Variants in CNTN5 observed in about 807,000 individuals in gnomAD.
CNTN5 encodes the protein contactin-5.
CNTN5 carries 77 observed loss-of-function variants against 129.1 expected under a neutral mutation model. That is an observed-to-expected ratio of 0.60 (90% CI 0.50 to 0.72). The LOEUF is 0.72. Ranked by LOEUF, CNTN5 falls within the 30% of genes least tolerant of loss-of-function variation. CNTN5 has a pLI of 0.00. For synonymous variants in CNTN5, 509 were observed against 465.6 expected, an observed-to-expected ratio of 1.09 and a Z score of -1.20; for missense variants, 1,478 against 1,328.8, an observed-to-expected ratio of 1.11 and a Z score of -1.75.
chr11:99,637,675 A>C (rs558889412), intron 3 of CNTN5, among the ~76,000 whole-genome samples: 61 of 152,112 alleles, frequency 4.0e-4, no homozygotes, highest in Non-Finnish European at 6.6e-4. Context: ...ACATAATGTC[A>C]AAAATAGAAA....
intron 16 of CNTN5, among the ~76,000 whole-genome samples, chr11:100,249,399 T>G (rs1215682977): frequency 6.6e-6 from 1 of 152,118 alleles, no homozygotes; most frequent in South Asian, 2.1e-4. Context: ...GGCTTTTGAT[T>G]TGTCATTTGC....
intron 1 of CNTN5, among the ~76,000 whole-genome samples, chr11:99,042,500 C>A (rs1030178378): frequency 4.0e-5 from 6 of 151,178 alleles, no homozygotes; most frequent in African/African-American, 7.3e-5. Context: ...CTCAGCCTCC[C>A]GAGTAGCTGG....
chr11:99,833,152 C>T (rs966930865), intron 4 of CNTN5, among the ~76,000 whole-genome samples: 21 of 152,108 alleles, frequency 1.4e-4, no homozygotes, highest in Admixed American at 1.4e-3. Flanking sequence ...ATGGATGATA[C>T]TTAAAATGTC....
chr11:99,309,501 G>A (rs1490802901), intron 1 of CNTN5, among the ~76,000 whole-genome samples: 3 of 152,226 alleles, frequency 2.0e-5, no homozygotes, highest in East Asian at 1.9e-4. Flanking sequence ...CCTCCCAGCA[G>A]CTGCTGCCTT....
chr11:100,178,047 T>C (rs1196938843), intron 13 of CNTN5, among the ~76,000 whole-genome samples: 5 of 152,100 alleles, frequency 3.3e-5, no homozygotes, highest in Non-Finnish European at 7.4e-5. Flanking sequence ...CCATTATTTA[T>C]GAAGGTTTTC....
chr11:99,750,540 G>A (rs564075783), intron 3 of CNTN5, among the ~76,000 whole-genome samples: 1 of 141,158 alleles, frequency 7.1e-6, no homozygotes, highest in Non-Finnish European at 1.5e-5. Context: ...ATAGAAGAGT[G>A]GTAGCTAAAA....
intron 2 of CNTN5, among the ~76,000 whole-genome samples, chr11:99,516,581 G>A (rs1020172283): frequency 6.6e-6 from 1 of 151,950 alleles, no homozygotes; most frequent in African/African-American, 2.4e-5. Context: ...CAAACTGAGA[G>A]CATCGAGTGA....
intron 3 of CNTN5, among the ~76,000 whole-genome samples, chr11:99,706,479 A>C (rs1954761155): frequency 6.6e-6 from 1 of 151,526 alleles, no homozygotes; most frequent in Non-Finnish European, 1.5e-5. Context: ...ATATATCAGC[A>C]TTTGGAAACA....
At chr11:100,349,613 C>A (rs1422057710) in intron 23 of CNTN5, among the ~76,000 whole-genome samples, 1 of 151,716 alleles carries the variant, frequency 6.6e-6, no homozygotes, top group Non-Finnish European at 1.5e-5. Flanking sequence ...TTTTCTTTTG[C>A]TATGTTTTGT....
Position 99,271,793 on chromosome 11 carries a change from C to G in CNTN5, c.-209-53553C>G, listed in dbSNP as rs538929594. Among the ~76,000 whole-genome samples the G allele has an allele frequency of 5.3e-5, 8 of 151,934 alleles. No homozygotes were observed. The South Asian group carries it at 1.5e-3, about 28-fold the overall frequency. On this transcript the variant is annotated intron_variant, in intron 1 of 24. Transcript: ENST00000524871. The stretch of plus-strand genomic sequence containing the variant: ...CTTGCCACATGGATGTTTCTTTAGC[C>G]TAGCTTGAGTGTCCTCAGTGCTTAG...
intron 21 of CNTN5, among the ~76,000 whole-genome samples, chr11:100,315,389 T>C (rs1699367897): frequency 6.6e-6 from 1 of 152,206 alleles, no homozygotes; most frequent in Non-Finnish European, 1.5e-5. Context: ...ATTAAATTGA[T>C]GAATTGCTTT....
At chr11:100,299,633 T>C (rs1441830062) in intron 20 of CNTN5, among the ~76,000 whole-genome samples, 1 of 151,464 alleles carries the variant, frequency 6.6e-6, no homozygotes, top group Non-Finnish European at 1.5e-5. Context: ...ATGGCAAACA[T>C]ATATCCATGA....
chr11:100,235,675 G>C, intron 16 of CNTN5, among the ~76,000 whole-genome samples: 1 of 152,084 alleles, frequency 6.6e-6, no homozygotes, highest in East Asian at 1.9e-4. Flanking sequence ...GGAACCATGG[G>C]TTATGGAAAA....
intron 1 of CNTN5, among the ~76,000 whole-genome samples, chr11:99,060,579 G>A (rs1864832304): frequency 6.6e-6 from 1 of 151,148 alleles, no homozygotes; most frequent in South Asian, 2.1e-4. Context: ...CAGACAGGAA[G>A]AAAAGAAATG....
chr11:99,385,856 C>T (rs1249030003), intron 2 of CNTN5, among the ~76,000 whole-genome samples: 1 of 152,086 alleles, frequency 6.6e-6, no homozygotes, highest in African/African-American at 2.4e-5. Context: ...AATTGTACAT[C>T]CTACAAGATC....
intron 7 of CNTN5, among the ~76,000 whole-genome samples, chr11:99,942,203 T>C (rs1317147722): frequency 6.6e-6 from 1 of 152,024 alleles, no homozygotes; most frequent in Admixed American, 6.6e-5. Flanking sequence ...GTTTGCACAG[T>C]AAGTGTATGA....
At chr11:99,493,539 A>T (rs1946113543) in intron 2 of CNTN5, among the ~76,000 whole-genome samples, 1 of 152,252 alleles carries the variant, frequency 6.6e-6, no homozygotes. Context: ...AAATTCAGTT[A>T]GCAAATATTA....
At chr11:99,064,945 T>C (rs1281382507) in intron 1 of CNTN5, among the ~76,000 whole-genome samples, 1 of 152,038 alleles carries the variant, frequency 6.6e-6, no homozygotes, top group East Asian at 1.9e-4. Context: ...TATTAAAATG[T>C]ATATTTCATA....
intron 3 of CNTN5, among the ~76,000 whole-genome samples, chr11:99,695,841 T>C (rs1021917201): frequency 1.4e-4 from 21 of 152,232 alleles, no homozygotes; most frequent in African/African-American, 4.3e-4. Flanking sequence ...CTAGATTTAC[T>C]TGTGCTTTGG....
Sources: allele counts gnomAD v4.1 joint callset (sites outside exome capture counted in the v4.1 genomes callset), GRCh38; gene constraint gnomAD v4.1.1; transcripts MANE v1.5; gene names NCBI Gene and HGNC (gene_info 2026-07-23, HGNC 2026-07-21).